Variants in LRBA observed in about 807,000 individuals in gnomAD.
The protein encoded by LRBA is lipopolysaccharide-responsive and beige-like anchor protein.
A neutral mutation model predicts 330.0 loss-of-function variants in LRBA; 176 were observed. That is an observed-to-expected ratio of 0.53 (90% CI 0.47 to 0.60). The LOEUF is 0.60. LRBA is among the 20% of genes least tolerant of loss of function. The pLI is 0.00. For synonymous variants in LRBA, 1,230 were observed against 1,193.0 expected (o/e 1.03, Z -0.64); for missense variants, 3,259 against 3,444.8 (o/e 0.95, Z 1.35).
chr4:150,921,633 C>T (rs959127852), intron 4 of LRBA, among the ~76,000 whole-genome samples: 7 of 152,034 alleles, frequency 4.6e-5, no homozygotes, highest in Non-Finnish European at 7.4e-5. Flanking sequence ...TGTGCAGTGG[C>T]GCCATCTCGG....
At chr4:150,889,143 C>T (rs72719673) in intron 17 of LRBA, among the ~76,000 whole-genome samples, 167 of 152,242 alleles carry the variant, frequency 1.1e-3, no homozygotes, top group Non-Finnish European at 1.7e-3. Context: ...TAGATGAGGT[C>T]CAGACATATT....
intron 2 of LRBA, among the ~76,000 whole-genome samples, chr4:150,951,636 C>G (rs1736849358): frequency 6.6e-6 from 1 of 152,124 alleles, no homozygotes; most frequent in Non-Finnish European, 1.5e-5. Flanking sequence ...ACAAAGTACT[C>G]TAACCATAAT....
chr4:150,431,643 A>G (rs113176595), intron 46 of LRBA, among the ~76,000 whole-genome samples: 19 of 152,334 alleles, frequency 1.2e-4, no homozygotes, highest in African/African-American at 4.3e-4. Flanking sequence ...AAGATAAATT[A>G]TTAAAATTAA....
intron 37 of LRBA, among the ~76,000 whole-genome samples, chr4:150,646,574 C>CTT (rs1419912323): frequency 6.6e-6 from 1 of 152,064 alleles, no homozygotes; most frequent in African/African-American, 2.4e-5. Context: ...GGCACTAAAA[C>CTT]ATTCACCATT....
chr4:150,523,202 T>G (rs1763110789), intron 40 of LRBA, among the ~76,000 whole-genome samples: 1 of 152,178 alleles, frequency 6.6e-6, no homozygotes, highest in South Asian at 2.1e-4. Flanking sequence ...TGACATGTAT[T>G]TTGCGGTGGG....
At chr4:150,441,910 A>G (rs1484261891) in intron 44 of LRBA, among the ~76,000 whole-genome samples, 2 of 152,192 alleles carry the variant, frequency 1.3e-5, no homozygotes, top group African/African-American at 4.8e-5. Context: ...GTAAGCACTT[A>G]GAAGAGTTCC....
chr4:150,641,143 TCA>T (rs778258686), intron 37 of LRBA, among the ~76,000 whole-genome samples: 61 of 152,066 alleles, frequency 4.0e-4, no homozygotes, highest in Admixed American at 7.9e-4. Flanking sequence ...ATGTCCTATT[TCA>T]CAGAGATCCA....
chr4:150,350,260 G>T, intron 47 of LRBA, 101 bp from the exon 48 acceptor site: 1 of 941,882 alleles, frequency 1.1e-6, no homozygotes, highest in South Asian at 2.1e-5. Flanking sequence ...ACTTTACTGT[G>T]AACAAAGATT....
chr4:150,631,415 G>T (rs1055632935), intron 37 of LRBA, among the ~76,000 whole-genome samples: 1 of 152,048 alleles, frequency 6.6e-6, no homozygotes, highest in Admixed American at 6.6e-5. Context: ...GGAGTGGAAG[G>T]CATCCAATTT....
chr4:150,633,467 A>G (rs564760425), intron 37 of LRBA, among the ~76,000 whole-genome samples: 17 of 152,344 alleles, frequency 1.1e-4, no homozygotes, highest in Admixed American at 2.0e-4. Context: ...ATGAATGAAT[A>G]AATCCATCTC....
chr4:150,473,711 T>C (rs1441386290), intron 42 of LRBA, among the ~76,000 whole-genome samples: 1 of 152,156 alleles, frequency 6.6e-6, no homozygotes, highest in Non-Finnish European at 1.5e-5. Flanking sequence ...CAAATTAGGA[T>C]TGAATTACAC....
At chr4:150,289,988 T>G (rs1477596278) in intron 53 of LRBA, among the ~76,000 whole-genome samples, 2 of 152,150 alleles carry the variant, frequency 1.3e-5, no homozygotes, top group Non-Finnish European at 2.9e-5. Context: ...TCTTTTTATG[T>G]CTCTGTAGTT....
intron 34 of LRBA, among the ~76,000 whole-genome samples, chr4:150,780,893 A>G (rs1738131110): frequency 6.6e-6 from 1 of 151,468 alleles, no homozygotes; most frequent in South Asian, 2.1e-4. Context: ...TTATTTATTT[A>G]TTTTGAGACG....
rs751626846 is a variant in LRBA at position 150,808,360 on chromosome 4, T to G, written c.5344A>C (p.Thr1782Pro). Reference protein sequence around the residue: ...SSNAKLPSVPTVDSVSQDPVS... With the variant: ...SSNAKLPSVPPVDSVSQDPVS... ...GGATCTTGTGAAACTGAATCAACTG[T>G]TGGAACTGAGGGCAATTTTGCATTA... The change falls in exon 32 of 57, where the codon ACA becomes CCA. Residue 1782 changes from threonine to proline, a missense_variant. Coordinates refer to ENST00000651943, the MANE Select transcript of LRBA (RefSeq NM_001364905.1). 9 of 1,612,812 alleles carry G rather than the reference T, an allele frequency of 5.6e-6. No individual in the cohort carries two copies. The South Asian group carries it at 9.9e-5, about 18-fold the overall frequency.
rs79726848 is a variant in LRBA, at chr4:150,752,039, T to C, written c.5645+9744A>G. Among the ~76,000 whole-genome samples, 288 of 152,294 alleles carry C rather than the reference T, an allele frequency of 1.9e-3. 8 individuals are homozygous for C. The East Asian group carries it at 0.047, about 25-fold the overall frequency. ...GGAAAGTTACTACTTTTCTACACTCTAATAATTGAGAATGTGGAAATAATG... is the reference window on the plus strand; with the variant it reads ...GGAAAGTTACTACTTTTCTACACTCCAATAATTGAGAATGTGGAAATAATG... On this transcript the variant is annotated intron_variant, in intron 35 of 56. Coordinates refer to ENST00000651943, the MANE Select transcript of LRBA (RefSeq NM_001364905.1).
At chr4:150,353,595 C>T (rs887855417) in intron 47 of LRBA, among the ~76,000 whole-genome samples, 24 of 152,108 alleles carry the variant, frequency 1.6e-4, no homozygotes, top group Admixed American at 7.9e-4. Context: ...GGTTAGATTT[C>T]GATGCTTAAA....
chr4:150,792,455 A>G (rs961069112), intron 34 of LRBA, among the ~76,000 whole-genome samples: 9 of 152,156 alleles, frequency 5.9e-5, no homozygotes, highest in African/African-American at 2.2e-4. Context: ...TACACTTAAA[A>G]TGTGTGGGTA....
chr4:150,525,774 T>C (rs769397839), intron 40 of LRBA, among the ~76,000 whole-genome samples: 11 of 152,174 alleles, frequency 7.2e-5, no homozygotes, highest in Non-Finnish European at 1.3e-4. Flanking sequence ...TATTTCCATC[T>C]GAATGAAATT....
At chr4:150,314,681 A>G (rs966797343) in intron 51 of LRBA, 1 of 152,194 alleles carries the variant, frequency 6.6e-6, no homozygotes, top group African/African-American at 2.4e-5. Context: ...CAGGTAGGCA[A>G]GTAAGTTTTT....
Sources: allele counts gnomAD v4.1 joint callset (sites outside exome capture counted in the v4.1 genomes callset), GRCh38; gene constraint gnomAD v4.1.1; transcripts MANE v1.5; gene names NCBI Gene and HGNC (gene_info 2026-07-23, HGNC 2026-07-21).